RP1: variants seen among roughly 807,000 people sequenced by gnomAD.
RP1 encodes the protein oxygen-regulated protein 1.
A neutral mutation model predicts 14.8 loss-of-function variants in RP1; 16 were observed. The observed-to-expected ratio is 1.08, with a 90% CI of 0.73 to 1.65. RP1 has a LOEUF of 1.65. Ranked by LOEUF, RP1 falls within the 40% of genes most tolerant of loss-of-function variation. The pLI, the probability that RP1 is intolerant of heterozygous loss-of-function variation, is 0.00. For missense variants in RP1, 2,631 were observed against 2,535.0 expected (o/e 1.04, Z -0.81); for synonymous variants, 876 against 883.6 (o/e 0.99, Z 0.15).
chr8:54,617,811 CAG>C lies in RP1; in HGVS notation c.-13+1610_-13+1611del, dbSNP rs367781637. On this transcript the variant is annotated intron_variant, in intron 1 of 3. Transcript: ENST00000220676. ...CTGTAGGAAATGCACATTATTAAGA[CAG>C]GGCAAAAGCTGATTCACTTCCTTCA... 2.9e-3 allele frequency among the ~76,000 whole-genome samples: 436 copies of C among 152,366 alleles called. 3 individuals carry two copies. Among genetic ancestry groups the C allele is most frequent in the African/African-American group, 9.3e-3 (388 of 41,584 alleles).
At chr8:54,663,901 A>G in intron 7 of RP1, 5 of 1,428,122 alleles carry the variant, frequency 3.5e-6, no homozygotes, top group Non-Finnish European at 4.6e-6. Flanking sequence ...GTAAAAACAC[A>G]TAAAATAAGA....
At chr8:54,591,869 C>T (rs938369516) in intron 1 of RP1, among the ~76,000 whole-genome samples, 2 of 152,152 alleles carry the variant, frequency 1.3e-5, no homozygotes, top group Non-Finnish European at 2.9e-5. Context: ...CCCAGGCTTA[C>T]TCACAGGGTG....
chr8:54,822,433 AAAAC>A (rs1398563593), intron 24 of RP1, among the ~76,000 whole-genome samples: 1 of 152,236 alleles, frequency 6.6e-6, no homozygotes, highest in Non-Finnish European at 1.5e-5. Context: ...GAAATTAGAA[AAAAC>A]AAATTATTAA....
At chr8:54,631,340 T>C (rs1174168744), downstream of RP1, among the ~76,000 whole-genome samples, 3 of 152,184 alleles carry the variant, frequency 2.0e-5, 1 homozygote, top group Admixed American at 1.3e-4. Context: ...TATAATGTTA[T>C]GTAAGTTTCT....
chr8:54,630,481 G>T lies in RP1; in HGVS notation c.*128G>T. The T allele has an allele frequency of 6.7e-7, 1 of 1,497,520 alleles. No individual in the cohort carries two copies. The highest frequency in any genetic ancestry group is 8.9e-7 in the Non-Finnish European group (1 of 1,127,876). The allele number at this position is 1,497,520 out of a possible 1,614,324, so 92.8% of individuals were successfully genotyped here. ...CTTCAAAATGAACTTACTCTAGAAA[G>T]CTTACCCTTGGATAACCAGTTTGAC... On this transcript the variant is annotated 3_prime_UTR_variant, in exon 4 of 4. Coordinates refer to ENST00000220676, the MANE Select transcript of RP1 (RefSeq NM_006269.2).
At chr8:54,738,720 A>G (rs1249492217) in intron 18 of RP1, among the ~76,000 whole-genome samples, 1 of 152,086 alleles carries the variant, frequency 6.6e-6, no homozygotes, top group East Asian at 1.9e-4. Flanking sequence ...CTCCTTCTGC[A>G]TATTTTTAGT....
At chr8:54,591,193 A>T (rs1805036760) in intron 1 of RP1, among the ~76,000 whole-genome samples, 1 of 152,206 alleles carries the variant, frequency 6.6e-6, no homozygotes, top group Non-Finnish European at 1.5e-5. Context: ...TTTAAAATGT[A>T]TAACATCAAA....
chr8:54,772,689 A>G (rs1809937469), downstream of RP1, among the ~76,000 whole-genome samples: 2 of 152,214 alleles, frequency 1.3e-5, no homozygotes, highest in African/African-American at 4.8e-5. Flanking sequence ...AAAGTCACAC[A>G]AACAGATTTA....
At chr8:54,870,932 C>T (rs1812576814) in exon 29 of RP1, 1 of 152,116 alleles carries the variant, frequency 6.6e-6, no homozygotes, top group Non-Finnish European at 1.5e-5. Context: ...TGCGCGTCCA[C>T]ACTGTGACCT....
At chr8:54,616,730 T>G (rs567659034) in intron 1 of RP1, among the ~76,000 whole-genome samples, 246 of 152,380 alleles carry the variant, frequency 1.6e-3, no homozygotes, top group African/African-American at 5.6e-3. Context: ...TTTTTTCTAC[T>G]TCATTATTTG....
chr8:54,579,281 C>T (rs1230075143), intron 1 of RP1, among the ~76,000 whole-genome samples: 2 of 152,166 alleles, frequency 1.3e-5, no homozygotes. Context: ...TAACATTTCC[C>T]TCCAAATGAG....
chr8:54,631,778 G>C (rs762528884), downstream of RP1, among the ~76,000 whole-genome samples: 4 of 152,104 alleles, frequency 2.6e-5, no homozygotes, highest in Non-Finnish European at 5.9e-5. Context: ...GGGACTGCAG[G>C]CACACGCCAC....
intron 7 of RP1, among the ~76,000 whole-genome samples, chr8:54,665,066 A>G (rs1011776270): frequency 6.6e-6 from 1 of 152,066 alleles, no homozygotes; most frequent in African/African-American, 2.4e-5. Context: ...TTTATTCTGG[A>G]ACTTAAACCT....
chr8:54,759,819 A>C (rs1809595594), intron 22 of RP1, among the ~76,000 whole-genome samples: 1 of 152,180 alleles, frequency 6.6e-6, no homozygotes, highest in Non-Finnish European at 1.5e-5. Flanking sequence ...GCCCTGACTT[A>C]CAAATTGAGT....
At chr8:54,783,890 T>C (rs978601139) in intron 24 of RP1, among the ~76,000 whole-genome samples, 4 of 152,196 alleles carry the variant, frequency 2.6e-5, no homozygotes, top group African/African-American at 9.6e-5. Context: ...AACAGGGACG[T>C]AGGATTTTTG....
intron 24 of RP1, among the ~76,000 whole-genome samples, chr8:54,808,727 G>T (rs1810917196): frequency 6.6e-6 from 1 of 152,128 alleles, no homozygotes; most frequent in African/African-American, 2.4e-5. Context: ...CTCCTGCACG[G>T]GTATAATCTC....
chr8:54,760,199 T>G (rs1395901796), intron 22 of RP1, among the ~76,000 whole-genome samples: 1 of 152,192 alleles, frequency 6.6e-6, no homozygotes, highest in Non-Finnish European at 1.5e-5. Context: ...TTAAATTCAG[T>G]CAATTCCTTG....
Position 54,627,701 on chromosome 8 carries a change from A to C in RP1, c.3819A>C (p.Thr1273=). The change falls in exon 4 of 4, where the codon ACA becomes ACC. Residue 1273 remains threonine (T), a synonymous_variant. Coordinates refer to ENST00000220676, the MANE Select transcript of RP1 (RefSeq NM_006269.2). ...ATAAGGCTTATTCTCCAAAAGAGAC[A>C]TGTAACCCCAGTGACACTTTTTTTC... The part of the protein sequence containing the change: ...TVNKAYSPKE[T]CNPSDTFFPS... The C allele has an allele frequency of 6.2e-7, 1 of 1,614,168 alleles. No homozygotes were observed. The highest frequency in any genetic ancestry group is 8.5e-7 in the Non-Finnish European group (1 of 1,179,976).
chr8:54,654,286 A>G (rs1179038121), intron 5 of RP1, among the ~76,000 whole-genome samples: 1 of 152,250 alleles, frequency 6.6e-6, no homozygotes, highest in Non-Finnish European at 1.5e-5. Flanking sequence ...ATTTGAACAG[A>G]ATCACTGATT....
Sources: allele counts gnomAD v4.1 joint callset (sites outside exome capture counted in the v4.1 genomes callset), GRCh38; gene constraint gnomAD v4.1.1; transcripts MANE v1.5; gene names NCBI Gene and HGNC (gene_info 2026-07-23, HGNC 2026-07-21).